The following CLDND1 variants were observed in gnomAD, a reference collection of about 807,000 sequenced individuals.
The protein encoded by CLDND1 is claudin domain-containing protein 1.
CLDND1 carries 13 observed loss-of-function variants against 26.3 expected under a neutral mutation model. The ratio of observed to expected loss-of-function variants is 0.49; its 90% CI spans 0.32 to 0.78. CLDND1 has a LOEUF of 0.78. Among genes scored for constraint, CLDND1 ranks in the 30% least tolerant of loss-of-function variants. The pLI is 0.03. For missense variants in CLDND1, 289 were observed against 312.8 expected (o/e 0.92, Z 0.57); for synonymous variants, 107 against 107.0 (o/e 1.00, Z 0.00).
rs1706095590 is a variant in CLDND1, at chr3:98,515,521, T to C, written c.*1138A>G. 4 of 797,734 alleles carry C rather than the reference T, an allele frequency of 5.0e-6. No homozygotes were observed. The highest frequency in any genetic ancestry group is 6.3e-6 in the Non-Finnish European group (4 of 630,344). The allele number at this position is 797,734 out of a possible 1,614,324, so 49.4% of individuals were successfully genotyped here. On this transcript the variant is annotated 3_prime_UTR_variant, in exon 5 of 5. Coordinates refer to ENST00000341181, the MANE Select transcript of CLDND1 (RefSeq NM_001040181.2). Reference sequence around the variant, plus strand: ...TTAATTTTATTTTTTAAAAAAGACATTGAGGTTATGGTAAGAAATTATGAA... The same window carrying C: ...TTAATTTTATTTTTTAAAAAAGACACTGAGGTTATGGTAAGAAATTATGAA...
intron 2 of CLDND1, among the ~76,000 whole-genome samples, chr3:98,519,277 A>C (rs1706297401): frequency 6.6e-6 from 1 of 152,236 alleles, no homozygotes; most frequent in Non-Finnish European, 1.5e-5. Flanking sequence ...GAGGGAACAA[A>C]GACTGAAATA....
Position 98,517,173 on chromosome 3 carries a change from C to A in CLDND1, c.420G>T (p.Gln140His), listed in dbSNP as rs1323137710. ...CTAAACTCACAAAAGGTAAAAGGAA[C>A]TGGCAACGCCAAAGATCTGATTTTT... ...DLLRTYLWRC[Q>H]FLLPFVSLGL... The change falls in exon 4 of 5, where the codon CAG (glutamine) becomes CAT (histidine). Residue 140 changes from glutamine (Q) to histidine (H), a missense_variant. Physicochemically the swap from Gln to His is conservative, Grantham distance 24. Transcript: ENST00000341181. 1 of 1,612,584 alleles carries A rather than the reference C, an allele frequency of 6.2e-7. No homozygotes were observed. Among genetic ancestry groups the A allele is most frequent in the Admixed American group, 1.7e-5 (1 of 59,636 alleles).
At chr3:98,522,764 C>T (rs1455357720) in intron 1 of CLDND1, 85 bp downstream of exon 1, 4 of 1,609,910 alleles carry the variant, frequency 2.5e-6, no homozygotes, top group African/African-American at 1.3e-5. Flanking sequence ...CGACCACGCC[C>T]GGGAAGGGGG....
rs552887664 is a variant in CLDND1, at chr3:98,519,046, A to G, written c.293-51T>C. ...TTTTAATTATAAACATTTAACAAAA[A>G]TCTCTTTCAGTAATTATTCTCTGAA... On this transcript the variant is annotated intron_variant, in intron 2 of 4. Coordinates refer to ENST00000341181, the MANE Select transcript of CLDND1 (RefSeq NM_001040181.2). The G allele has an allele frequency of 2.0e-5, 22 of 1,087,900 alleles. No homozygotes were observed. In the Admixed American group the frequency reaches 4.1e-4, roughly 20 times the overall value. 67.4% of individuals were successfully genotyped at this position (1,087,900 alleles called of 1,614,324 possible).
chr3:98,517,546 T>G (rs2107143787), intron 3 of CLDND1, among the ~76,000 whole-genome samples: 1 of 152,060 alleles, frequency 6.6e-6, no homozygotes, highest in East Asian at 1.9e-4. Flanking sequence ...GTTAAAAATA[T>G]TCAGAAAAAA....
At chr3:98,521,568 A>AT (rs1054306146) in intron 1 of CLDND1, 126 bp from the exon 2 acceptor site, 47 of 1,490,710 alleles carry the variant, frequency 3.2e-5, no homozygotes, top group South Asian at 8.1e-5. Context: ...ACCATTAAGA[A>AT]TTTTTTTTAG....
In CLDND1 at chr3:98,516,057, G is replaced by GT; in HGVS notation, c.*601dup. The stretch of plus-strand genomic sequence containing the variant: ...AAAGTTAAAATTTCAAGTAAACACT[G>GT]TATTTTTCACTTTTTGTAGACAGAC... On this transcript the variant is annotated 3_prime_UTR_variant, in exon 5 of 5. Transcript: ENST00000341181. The GT allele has an allele frequency of 8.7e-7, 1 of 1,155,160 alleles. No homozygotes were observed. 71.6% of individuals were successfully genotyped at this position (1,155,160 alleles called of 1,614,324 possible).
chr3:98,521,899 GT>G, intron 1 of CLDND1: 1 of 565,422 alleles, frequency 1.8e-6, no homozygotes, highest in Non-Finnish European at 3.2e-6. Flanking sequence ...GCTTCTCCCA[GT>G]TTCCTCTGAA....
chr3:98,522,549 G>T (rs1282492642), intron 1 of CLDND1: 3 of 1,327,938 alleles, frequency 2.3e-6, no homozygotes, highest in Non-Finnish European at 1.9e-6. Flanking sequence ...GACCTTAAAG[G>T]GTCCCAGCAC....
intron 1 of CLDND1, chr3:98,522,647 G>A (rs1164084544): frequency 4.3e-6 from 6 of 1,408,072 alleles, no homozygotes; most frequent in East Asian, 2.8e-5. Flanking sequence ...GGGCTGGGGC[G>A]GGGCAGCCGT....
Position 98,516,558 on chromosome 3 carries a change from A to G in CLDND1, c.*101T>C. ...AAATAGATTTTCATAATAAAATGGT[A>G]TATCCACAAATAAAAATTAAAAACA... is the stretch of plus-strand genomic sequence containing the variant. On this transcript the variant is annotated 3_prime_UTR_variant, in exon 5 of 5. Transcript: ENST00000341181. The G allele has an allele frequency of 2.1e-6, 3 of 1,440,884 alleles. No homozygotes were observed. Among genetic ancestry groups the G allele is most frequent in the Non-Finnish European group, 2.8e-6 (3 of 1,090,028 alleles). 89.3% of individuals were successfully genotyped at this position (1,440,884 alleles called of 1,614,324 possible).
intron 1 of CLDND1, 79 bp downstream of exon 1, chr3:98,522,770 G>A: frequency 1.2e-6 from 2 of 1,611,456 alleles, no homozygotes; most frequent in African/African-American, 1.3e-5. Context: ...CGCCCGGGAA[G>A]GGGGCCCCTC....
intron 1 of CLDND1, chr3:98,522,543 T>C: frequency 7.6e-7 from 1 of 1,322,540 alleles, no homozygotes; most frequent in South Asian, 2.0e-5. Context: ...TCAAATGACC[T>C]TAAAGGGTCC....
chr3:98,521,733 C>A, intron 1 of CLDND1: 1 of 1,583,678 alleles, frequency 6.3e-7, no homozygotes, highest in East Asian at 2.2e-5. Flanking sequence ...AATGGACATA[C>A]ACATTACAGA....
At position 98,516,001 on chromosome 3, in the gene CLDND1, C is replaced by A. The variant is rs771688593; in HGVS notation, c.*658G>T. Reference sequence around the variant, plus strand: ...GAGAGTTAAAAATAATACTAATCCTCGCCCGGCTGAACTGGAATTCTTGCA... The same window carrying A: ...GAGAGTTAAAAATAATACTAATCCTAGCCCGGCTGAACTGGAATTCTTGCA... On this transcript the variant is annotated 3_prime_UTR_variant, in exon 5 of 5. Coordinates refer to ENST00000341181, the MANE Select transcript of CLDND1 (RefSeq NM_001040181.2). 15 of 1,166,458 alleles carry A rather than the reference C, an allele frequency of 1.3e-5. No individual in the cohort carries two copies. The highest frequency in any genetic ancestry group is 1.6e-5 in the Non-Finnish European group (15 of 931,054). The allele number at this position is 1,166,458 out of a possible 1,614,324, so 72.3% of individuals were successfully genotyped here. A position where few individuals can be genotyped will look rare whatever the true frequency, so the allele number is the denominator to read the frequency against.
At chr3:98,517,369 A>C (rs1436391345) in intron 3 of CLDND1, 180 bp from the exon 4 acceptor site, 1 of 680,134 alleles carries the variant, frequency 1.5e-6, no homozygotes. Flanking sequence ...TCCTGATAAA[A>C]GTAAAAGGAC....
At chr3:98,517,392 T>C (rs1220184998) in intron 3 of CLDND1, 6 of 585,906 alleles carry the variant, frequency 1.0e-5, no homozygotes, top group East Asian at 3.0e-5. Flanking sequence ...TAACAGGTAG[T>C]AGCAATTACT....
rs2107140024 is a variant in CLDND1 at position 98,516,464 on chromosome 3, T to A, written c.*195A>T. 1 of 1,359,978 alleles carries A rather than the reference T, an allele frequency of 7.4e-7. No individual in the cohort carries two copies. Among genetic ancestry groups the A allele is most frequent in the East Asian group, 2.8e-5 (1 of 36,004 alleles). 84.2% of individuals were successfully genotyped at this position (1,359,978 alleles called of 1,614,324 possible). On this transcript the variant is annotated 3_prime_UTR_variant, in exon 5 of 5. Coordinates refer to ENST00000341181, the MANE Select transcript of CLDND1 (RefSeq NM_001040181.2). ...AGATTAGTTTATTTGAAAGATGGCATCGCTTAAAGTAAACCACATAAATTT... is the reference window on the plus strand; with the variant it reads ...AGATTAGTTTATTTGAAAGATGGCAACGCTTAAAGTAAACCACATAAATTT...
chr3:98,522,683 G>A (rs1008974972), intron 1 of CLDND1, 166 bp downstream of exon 1: 181 of 1,456,964 alleles, frequency 1.2e-4, no homozygotes, highest in African/African-American at 1.6e-4. Flanking sequence ...AGGGTCCCCC[G>A]GTACCCGACC....
Sources: allele counts gnomAD v4.1 joint callset (sites outside exome capture counted in the v4.1 genomes callset), GRCh38; gene constraint gnomAD v4.1.1; transcripts MANE v1.5; gene names NCBI Gene and HGNC (gene_info 2026-07-23, HGNC 2026-07-21).